The following CDH13 variants were observed in gnomAD, a reference collection of about 807,000 sequenced individuals.
The protein encoded by CDH13 is cadherin-13.
In CDH13, 24 loss-of-function variants were observed where a neutral mutation model predicts 63.8. That is an observed-to-expected ratio of 0.38 (90% CI 0.27 to 0.53). The LOEUF (loss-of-function observed/expected upper bound fraction) is 0.53. CDH13 is among the 20% of genes least tolerant of loss of function. CDH13 has a pLI of 0.85. For synonymous variants in CDH13, 503 were observed against 355.3 expected, an observed-to-expected ratio of 1.42 and a Z score of -4.67; for missense variants, 1,049 against 903.1, an observed-to-expected ratio of 1.16 and a Z score of -2.07.
intron 1 of CDH13, among the ~76,000 whole-genome samples, chr16:82,652,835 G>A (rs377202709): frequency 1.6e-4 from 25 of 151,706 alleles, no homozygotes; most frequent in African/African-American, 5.6e-4. Flanking sequence ...TTCTGTAACT[G>A]TGGGTTCCAA....
At chr16:82,709,924 C>G (rs940080964) in intron 1 of CDH13, among the ~76,000 whole-genome samples, 5 of 151,980 alleles carry the variant, frequency 3.3e-5, no homozygotes, top group Non-Finnish European at 5.9e-5. Flanking sequence ...CCCAGAAGGG[C>G]TCTAGATGAG....
intron 7 of CDH13, among the ~76,000 whole-genome samples, chr16:83,541,751 G>C (rs973605317): frequency 4.6e-5 from 7 of 152,202 alleles, no homozygotes; most frequent in African/African-American, 1.7e-4. Context: ...TGGTTTATTT[G>C]TTGCAGCAGT....
chr16:83,661,357 C>T (rs1913425864), intron 8 of CDH13, among the ~76,000 whole-genome samples: 2 of 151,974 alleles, frequency 1.3e-5, no homozygotes, highest in East Asian at 1.9e-4. Flanking sequence ...CGTGGTGGCA[C>T]ATACACACCC....
At chr16:83,446,374 C>T (rs748245858) in intron 6 of CDH13, among the ~76,000 whole-genome samples, 2 of 151,826 alleles carry the variant, frequency 1.3e-5, no homozygotes, top group Non-Finnish European at 2.9e-5. Flanking sequence ...GAAGTAAGCC[C>T]TTAGGCATAG....
chr16:82,913,924 G>T (rs1303052466), intron 2 of CDH13, among the ~76,000 whole-genome samples: 2 of 152,098 alleles, frequency 1.3e-5, no homozygotes, highest in African/African-American at 4.8e-5. Context: ...GCACACTTAG[G>T]GTTATTTTAC....
chr16:83,027,805 C>T (rs1414044351), intron 2 of CDH13, among the ~76,000 whole-genome samples: 5 of 152,140 alleles, frequency 3.3e-5, no homozygotes, highest in Non-Finnish European at 7.3e-5. Context: ...ACATCCAGTT[C>T]GGTAGATGCC....
intron 6 of CDH13, among the ~76,000 whole-genome samples, chr16:83,468,950 G>A (rs769928796): frequency 6.6e-5 from 10 of 152,246 alleles, no homozygotes; most frequent in Middle Eastern, 3.4e-3. Flanking sequence ...TCCATTGCCC[G>A]TGGGTTTCTG....
At chr16:82,677,506 C>CT (rs1237734418) in intron 1 of CDH13, among the ~76,000 whole-genome samples, 1 of 144,894 alleles carries the variant, frequency 6.9e-6, no homozygotes, top group African/African-American at 2.6e-5. Flanking sequence ...GAGCACAATG[C>CT]TGAACACCTT....
intron 6 of CDH13, among the ~76,000 whole-genome samples, chr16:83,407,625 A>G (rs1297903665): frequency 6.6e-6 from 1 of 152,244 alleles, no homozygotes; most frequent in African/African-American, 2.4e-5. Context: ...TAAAGAAGGT[A>G]GGTGCCCACT....
Position 83,228,706 on chromosome 16 carries a change from G to A in CDH13, c.636+11209G>A, listed in dbSNP as rs561341625. On this transcript the variant is annotated intron_variant, in intron 5 of 13. Coordinates refer to ENST00000567109, the MANE Select transcript of CDH13 (RefSeq NM_001257.5). ...GGAGTGCGTGCAGTTTAGAGCAGAC[G>A]AGGGTGGGGCCATGGCAGGGCTTGA... is the stretch of plus-strand genomic sequence containing the variant. 4.6e-5 allele frequency among the ~76,000 whole-genome samples: 7 copies of A among 152,302 alleles called. No individual in the cohort carries two copies. The South Asian group carries it at 8.3e-4, about 18-fold the overall frequency.
chr16:83,052,749 C>G (rs1341786076), intron 3 of CDH13, among the ~76,000 whole-genome samples: 2 of 124,474 alleles, frequency 1.6e-5, no homozygotes, highest in African/African-American at 6.4e-5. Flanking sequence ...TGCACTCCAG[C>G]CTGGGTGACA....
intron 2 of CDH13, among the ~76,000 whole-genome samples, chr16:82,934,210 G>A (rs1248408608): frequency 6.6e-6 from 1 of 152,200 alleles, no homozygotes; most frequent in East Asian, 1.9e-4. Context: ...TGAAGTCTAG[G>A]CAGATGTTCC....
chr16:83,336,365 T>C (rs2090597368), intron 5 of CDH13, among the ~76,000 whole-genome samples: 1 of 151,860 alleles, frequency 6.6e-6, no homozygotes, highest in Admixed American at 6.6e-5. Flanking sequence ...TTGTGACTTA[T>C]AGACGGGTTC....
intron 3 of CDH13, among the ~76,000 whole-genome samples, chr16:83,108,680 T>C (rs1364376489): frequency 6.6e-6 from 1 of 152,146 alleles, no homozygotes; most frequent in Non-Finnish European, 1.5e-5. Flanking sequence ...TATTTTAGGC[T>C]CGAAGGCAGG....
chr16:83,372,533 C>T (rs2091387298), intron 6 of CDH13, among the ~76,000 whole-genome samples: 1 of 151,892 alleles, frequency 6.6e-6, no homozygotes, highest in Admixed American at 6.6e-5. Context: ...GCAGGTGGAC[C>T]ACGAGGTCAA....
At chr16:83,001,839 C>G (rs1452778166) in intron 2 of CDH13, among the ~76,000 whole-genome samples, 2 of 152,126 alleles carry the variant, frequency 1.3e-5, no homozygotes, top group Non-Finnish European at 2.9e-5. Context: ...TGCTGGGGAG[C>G]TATGGGAAGC....
chr16:82,933,920 T>C (rs912323047), intron 2 of CDH13, among the ~76,000 whole-genome samples: 1 of 152,234 alleles, frequency 6.6e-6, no homozygotes, highest in African/African-American at 2.4e-5. Context: ...CCTGTGGCTT[T>C]GCAGGGTACA....
At chr16:83,458,135 G>T (rs963818549) in intron 6 of CDH13, among the ~76,000 whole-genome samples, 1 of 152,146 alleles carries the variant, frequency 6.6e-6, no homozygotes, top group Non-Finnish European at 1.5e-5. Flanking sequence ...GGCTTTCCTC[G>T]TCTGCTGGGA....
At chr16:82,916,773 T>C (rs747304429) in intron 2 of CDH13, among the ~76,000 whole-genome samples, 3 of 151,830 alleles carry the variant, frequency 2.0e-5, no homozygotes, top group Non-Finnish European at 2.9e-5. Flanking sequence ...TTAATTTTAA[T>C]TTTGAAGTAA....
Sources: gnomAD v4.1 joint callset for allele counts (sites outside exome capture counted in the v4.1 genomes callset) on GRCh38, gnomAD v4.1.1 for gene constraint, MANE v1.5 for transcripts, NCBI Gene and HGNC (gene_info 2026-07-23, HGNC 2026-07-21) for gene names.